Variants in EXOC6B observed in about 807,000 individuals in gnomAD.
EXOC6B encodes exocyst complex component 6B.
EXOC6B carries 54 observed loss-of-function variants against 113.5 expected under a neutral mutation model. That is an observed-to-expected ratio of 0.48 (90% CI 0.38 to 0.60). EXOC6B has a LOEUF of 0.60. EXOC6B is among the 20% of genes least tolerant of loss of function. The pLI is 0.00. For missense variants in EXOC6B, 797 were observed against 977.5 expected (o/e 0.82, Z 2.46); for synonymous variants, 357 against 339.0 (o/e 1.05, Z -0.58).
chr2:72,669,038 G>T (rs755635109), intron 6 of EXOC6B, among the ~76,000 whole-genome samples: 8 of 152,032 alleles, frequency 5.3e-5, no homozygotes, highest in Non-Finnish European at 1.2e-4. Context: ...AGTGAGTTTT[G>T]ATCACACTAT....
In EXOC6B at chr2:72,513,058, T is replaced by C. The variant is rs894265023; in HGVS notation, c.1167+74A>G. Reference sequence around the variant, plus strand: ...GATTCCAAAGACATACATATGTTGATTTTAAAGCAGTAAAACACTGAATAT... The same window carrying C: ...GATTCCAAAGACATACATATGTTGACTTTAAAGCAGTAAAACACTGAATAT... On this transcript the variant is annotated intron_variant, in intron 11 of 21. Transcript: ENST00000272427. 5 of 1,540,642 alleles carry C rather than the reference T, an allele frequency of 3.2e-6. No individual in the cohort carries two copies. The South Asian group carries it at 3.6e-5, about 11-fold the overall frequency.
chr2:72,436,702 T>G (rs971683436), intron 18 of EXOC6B, among the ~76,000 whole-genome samples: 1 of 152,102 alleles, frequency 6.6e-6, no homozygotes, highest in African/African-American at 2.4e-5. Flanking sequence ...GGCTAATGAT[T>G]CTTGTGTATG....
At chr2:72,806,640 T>C (rs1316201942) in intron 1 of EXOC6B, among the ~76,000 whole-genome samples, 1 of 152,240 alleles carries the variant, frequency 6.6e-6, no homozygotes, top group Non-Finnish European at 1.5e-5. Context: ...CTAATTTACA[T>C]TCCCACCAGC....
intron 8 of EXOC6B, among the ~76,000 whole-genome samples, chr2:72,521,643 C>G (rs778055964): frequency 5.0e-4 from 76 of 152,106 alleles, no homozygotes; most frequent in Non-Finnish European, 1.0e-3. Context: ...TTTTATGCAT[C>G]TAAAGTATTT....
At chr2:72,298,184 C>T (rs1686265530) in intron 20 of EXOC6B, among the ~76,000 whole-genome samples, 1 of 152,142 alleles carries the variant, frequency 6.6e-6, no homozygotes, top group Non-Finnish European at 1.5e-5. Flanking sequence ...ATAATGGGTG[C>T]ATATATATTT....
chr2:72,244,426 A>G (rs1208660913), intron 20 of EXOC6B, among the ~76,000 whole-genome samples: 6 of 152,220 alleles, frequency 3.9e-5, no homozygotes, highest in Non-Finnish European at 8.8e-5. Context: ...GAAATTTATA[A>G]CATTGAATCC....
At chr2:72,734,089 G>A (rs548592508) in intron 2 of EXOC6B, among the ~76,000 whole-genome samples, 1 of 152,260 alleles carries the variant, frequency 6.6e-6, no homozygotes, top group East Asian at 1.9e-4. Context: ...CATATAGGAT[G>A]TTTTCCAAAT....
chr2:72,401,537 ATATATATGTG>A lies in EXOC6B; in HGVS notation c.1981-21677_1981-21668del, dbSNP rs1693206533. 9.4e-5 allele frequency among the ~76,000 whole-genome samples: 3 copies of A among 31,786 alleles called. No homozygotes were observed. In the African/African-American group the frequency reaches 1.9e-3, roughly 20 times the overall value. The allele number at this position is 31,786 out of a possible 152,430, so 20.9% of individuals were successfully genotyped here. A position where few individuals can be genotyped will look rare whatever the true frequency, so the allele number is the denominator to read the frequency against. On this transcript the variant is annotated intron_variant, in intron 18 of 21. Coordinates refer to ENST00000272427, the MANE Select transcript of EXOC6B (RefSeq NM_015189.3). ...TATACATATATACATATATATATAT[ATATATATGTG>A]TATATATATATATATATACATATAT...
chr2:72,731,476 G>A (rs1272527122), intron 3 of EXOC6B, among the ~76,000 whole-genome samples: 1 of 152,128 alleles, frequency 6.6e-6, no homozygotes, highest in East Asian at 1.9e-4. Context: ...GTAAAATGAA[G>A]TCCTAAAATA....
intron 19 of EXOC6B, among the ~76,000 whole-genome samples, chr2:72,367,346 C>A: frequency 7.2e-6 from 1 of 138,070 alleles, no homozygotes; most frequent in African/African-American, 2.7e-5. Flanking sequence ...TAAAAAAAAG[C>A]AATGAAAGAA....
intron 1 of EXOC6B, among the ~76,000 whole-genome samples, chr2:72,785,250 GTGTCTGCAGCT>G (rs1684305739): frequency 6.6e-6 from 1 of 152,230 alleles, no homozygotes; most frequent in Non-Finnish European, 1.5e-5. Context: ...CTAGCATTGA[GTGTCTGCAGCT>G]TGTCTGCAGC....
chr2:72,205,872 T>C (rs1311608859), intron 20 of EXOC6B, among the ~76,000 whole-genome samples: 2 of 152,018 alleles, frequency 1.3e-5, no homozygotes, highest in East Asian at 3.9e-4. Flanking sequence ...GTCAGGGCAA[T>C]ATTGGGGATA....
intron 20 of EXOC6B, among the ~76,000 whole-genome samples, chr2:72,278,991 G>C (rs187280771): frequency 6.6e-6 from 1 of 152,160 alleles, no homozygotes; most frequent in African/African-American, 2.4e-5. Context: ...TTTGTTCCAG[G>C]GTAAGCCTCA....
intron 6 of EXOC6B, among the ~76,000 whole-genome samples, chr2:72,618,137 G>T (rs918193010): frequency 1.3e-5 from 2 of 152,046 alleles, no homozygotes; most frequent in Admixed American, 1.3e-4. Context: ...GGGAGATAGA[G>T]GGGGGTGGAT....
intron 19 of EXOC6B, among the ~76,000 whole-genome samples, chr2:72,362,717 T>A (rs1690394258): frequency 6.6e-6 from 1 of 152,172 alleles, no homozygotes; most frequent in Non-Finnish European, 1.5e-5. Flanking sequence ...AACTAGTCTC[T>A]GAGGCTCCTG....
intron 6 of EXOC6B, among the ~76,000 whole-genome samples, chr2:72,637,909 C>G (rs1251553822): frequency 1.3e-5 from 2 of 151,690 alleles, no homozygotes; most frequent in African/African-American, 4.8e-5. Context: ...ATCAAAAAAG[C>G]AGGAAAACTT....
intron 6 of EXOC6B, among the ~76,000 whole-genome samples, chr2:72,626,564 T>C (rs954421731): frequency 6.6e-6 from 1 of 152,188 alleles, no homozygotes; most frequent in Non-Finnish European, 1.5e-5. Flanking sequence ...TCTGATCACC[T>C]TCACTAGGAA....
At chr2:72,764,592 C>T (rs1682952967) in intron 1 of EXOC6B, among the ~76,000 whole-genome samples, 1 of 151,972 alleles carries the variant, frequency 6.6e-6, no homozygotes, top group African/African-American at 2.4e-5. Context: ...TGGTCTCAAA[C>T]TCCTGGGCTC....
intron 20 of EXOC6B, among the ~76,000 whole-genome samples, chr2:72,246,320 T>C (rs1203269948): frequency 1.3e-5 from 2 of 152,174 alleles, no homozygotes; most frequent in Non-Finnish European, 2.9e-5. Context: ...TTTCATAGAA[T>C]CCAACTTACT....
Sources: allele counts gnomAD v4.1 joint callset (sites outside exome capture counted in the v4.1 genomes callset), GRCh38; gene constraint gnomAD v4.1.1; transcripts MANE v1.5; gene names NCBI Gene and HGNC (gene_info 2026-07-23, HGNC 2026-07-21).